The following FHIT variants were observed in gnomAD, a reference collection of about 807,000 sequenced individuals.
The protein encoded by FHIT is fragile histidine triad diadenosine triphosphatase.
In FHIT, 19 loss-of-function variants were observed where a neutral mutation model predicts 17.9. The ratio of observed to expected loss-of-function variants is 1.06; its 90% CI spans 0.74 to 1.56. The LOEUF (loss-of-function observed/expected upper bound fraction) is 1.56. FHIT is among the 40% of genes most tolerant of loss of function. The pLI, the probability that FHIT is intolerant of heterozygous loss-of-function variation, is 0.00. For synonymous variants in FHIT, 81 were observed against 69.7 expected (o/e 1.16, Z -0.81); for missense variants, 248 against 189.2 (o/e 1.31, Z -1.82).
intron 2 of FHIT, among the ~76,000 whole-genome samples, chr3:61,077,049 C>T (rs972135522): frequency 1.9e-4 from 29 of 152,204 alleles, no homozygotes; most frequent in African/African-American, 6.7e-4. Context: ...TTTAAATAAA[C>T]TCCATGAAGT....
At chr3:60,451,265 C>T (rs11715794) in intron 5 of FHIT, among the ~76,000 whole-genome samples, 1 of 152,020 alleles carries the variant, frequency 6.6e-6, no homozygotes, top group East Asian at 1.9e-4. Flanking sequence ...GGGAAACGTC[C>T]TAAGCCACGA....
chr3:61,243,921 T>C (rs573878708), intron 1 of FHIT: 17 of 152,340 alleles, frequency 1.1e-4, no homozygotes, highest in Admixed American at 3.3e-4. Context: ...AGCTTTGTGA[T>C]GACGCTTTTC....
intron 5 of FHIT, among the ~76,000 whole-genome samples, chr3:60,496,741 A>T (rs1212754651): frequency 6.6e-6 from 1 of 152,200 alleles, no homozygotes; most frequent in Non-Finnish European, 1.5e-5. Context: ...TTTAAAAAGG[A>T]ATAGGAAATT....
chr3:60,876,647 C>A (rs1349814046), intron 3 of FHIT, among the ~76,000 whole-genome samples: 3 of 152,134 alleles, frequency 2.0e-5, no homozygotes, highest in African/African-American at 7.2e-5. Flanking sequence ...TCTTTTATGG[C>A]ATTCATAAAT....
chr3:60,714,018 G>T (rs2041612779), intron 4 of FHIT, among the ~76,000 whole-genome samples: 1 of 152,032 alleles, frequency 6.6e-6, no homozygotes, highest in Non-Finnish European at 1.5e-5. Context: ...GATGAACATT[G>T]ATGCAAAAAT....
chr3:60,593,144 A>G (rs2038146880), intron 4 of FHIT, among the ~76,000 whole-genome samples: 1 of 152,152 alleles, frequency 6.6e-6, no homozygotes, highest in African/African-American at 2.4e-5. Flanking sequence ...TTTGACTAGA[A>G]CATACATTCT....
At chr3:60,199,435 T>C in intron 5 of FHIT, among the ~76,000 whole-genome samples, 1 of 152,172 alleles carries the variant, frequency 6.6e-6, no homozygotes, top group East Asian at 1.9e-4. Context: ...TGGGAGCCTT[T>C]GGAATCACAG....
rs557271868 is a variant in FHIT, at chr3:60,142,064, G to A, written c.104-127912C>T. ...AATAAAAGGTGCATCAAGGACACAA[G>A]AAAAGAGAAAAGAATTACCATCCAT... On this transcript the variant is annotated intron_variant, in intron 5 of 9. Transcript: ENST00000492590. Among the ~76,000 whole-genome samples the A allele has an allele frequency of 1.6e-4, 25 of 152,276 alleles. No homozygotes were observed. The South Asian group carries it at 3.3e-3, about 20-fold the overall frequency.
chr3:60,617,590 A>G (rs2038990233), intron 4 of FHIT: 1 of 152,814 alleles, frequency 6.5e-6, no homozygotes, highest in Admixed American at 6.5e-5. Context: ...ACAGTAGGGA[A>G]TTGCTATTTT....
chr3:59,854,920 G>C (rs1343674751), intron 8 of FHIT, among the ~76,000 whole-genome samples: 1 of 152,168 alleles, frequency 6.6e-6, no homozygotes, highest in African/African-American at 2.4e-5. Flanking sequence ...AATGGGCTCT[G>C]TTGGAATCCT....
At chr3:60,543,612 T>C (rs2036256135) in intron 4 of FHIT, among the ~76,000 whole-genome samples, 1 of 152,226 alleles carries the variant, frequency 6.6e-6, no homozygotes, top group Non-Finnish European at 1.5e-5. Flanking sequence ...TGGTATCTTA[T>C]TATTGTCATA....
intron 4 of FHIT, among the ~76,000 whole-genome samples, chr3:60,635,930 G>A (rs1435865482): frequency 6.6e-6 from 1 of 152,082 alleles, no homozygotes; most frequent in East Asian, 1.9e-4. Context: ...AGCTCAAAGG[G>A]TCATACACAC....
intron 5 of FHIT, among the ~76,000 whole-genome samples, chr3:60,508,253 T>C (rs1356343181): frequency 1.3e-5 from 2 of 152,206 alleles, no homozygotes; most frequent in African/African-American, 2.4e-5. Context: ...GAATACAGTA[T>C]TGCATGTTAG....
At chr3:61,250,717 A>C in intron 1 of FHIT, among the ~76,000 whole-genome samples, 1 of 152,072 alleles carries the variant, frequency 6.6e-6, no homozygotes. Context: ...AAAAACAACA[A>C]CCATAAAATA....
At chr3:60,391,647 T>A (rs555348975) in intron 5 of FHIT, among the ~76,000 whole-genome samples, 5 of 152,310 alleles carry the variant, frequency 3.3e-5, no homozygotes, top group African/African-American at 1.2e-4. Context: ...CTGCATATAA[T>A]ATTCAGTACA....
At chr3:60,121,686 A>AAAACAAAC (rs138801814) in intron 5 of FHIT, among the ~76,000 whole-genome samples, 24 of 96,882 alleles carry the variant, frequency 2.5e-4, no homozygotes, top group African/African-American at 7.9e-4. Context: ...TCTGTCTCAA[A>AAAACAAAC]AAACAAACAA....
rs148935175 is a variant in FHIT at position 59,793,360 on chromosome 3, G to A, written c.349-41039C>T. Among the ~76,000 whole-genome samples the A allele has an allele frequency of 5.3e-4, 80 of 152,242 alleles. 1 individual carries two copies. The East Asian group carries it at 0.011, about 21-fold the overall frequency. ...CCTTACCACAGGCCAGAAAGAAAGT[G>A]TAGATCGTCTTCTCAAGAGAGGAAG... On this transcript the variant is annotated intron_variant, in intron 8 of 9. Coordinates refer to ENST00000492590, the MANE Select transcript of FHIT (RefSeq NM_002012.4).
At chr3:60,895,705 T>C (rs1399764912) in intron 3 of FHIT, among the ~76,000 whole-genome samples, 42 of 148,642 alleles carry the variant, frequency 2.8e-4, no homozygotes, top group African/African-American at 9.9e-4. Context: ...TTTCTTTCTT[T>C]CTTTCTTTCT....
intron 8 of FHIT, among the ~76,000 whole-genome samples, chr3:59,804,296 C>T (rs1271198384): frequency 6.6e-6 from 1 of 152,144 alleles, no homozygotes; most frequent in African/African-American, 2.4e-5. Context: ...ATTTAATGGA[C>T]TATGCATTAT....
Sources: gnomAD v4.1 joint callset for allele counts (sites outside exome capture counted in the v4.1 genomes callset) on GRCh38, gnomAD v4.1.1 for gene constraint, MANE v1.5 for transcripts, NCBI Gene and HGNC (gene_info 2026-07-23, HGNC 2026-07-21) for gene names.